The following MYO9A variants were observed in gnomAD, a reference collection of about 807,000 sequenced individuals.
The protein encoded by MYO9A is myosin IXA.
MYO9A carries 103 observed loss-of-function variants against 293.3 expected under a neutral mutation model. The ratio of observed to expected loss-of-function variants is 0.35; its 90% CI spans 0.30 to 0.41. MYO9A has a LOEUF of 0.41. Ranked by LOEUF, MYO9A falls within the 10% of genes least tolerant of loss-of-function variation. The probability of loss-of-function intolerance (pLI) is 1.00; values close to 1 mark genes in which losing one functional copy is unlikely to be tolerated. For synonymous variants in MYO9A, 1,001 were observed against 1,035.7 expected (o/e 0.97, Z 0.64); for missense variants, 2,685 against 3,033.0 (o/e 0.89, Z 2.69).
At chr15:71,951,606 T>G (rs188831078) in intron 15 of MYO9A, 171 bp downstream of exon 15, 1 of 630,304 alleles carries the variant, frequency 1.6e-6, no homozygotes, top group African/African-American at 1.9e-5. Context: ...AGTATATCAG[T>G]ATTTTCAAAA....
At chr15:72,118,179 C>G (rs979858495), upstream of MYO9A, 3 of 363,616 alleles carry the variant, frequency 8.3e-6, no homozygotes, top group Admixed American at 4.7e-5. Context: ...CTACTGCCAG[C>G]ACGGGTCGGC....
intron 26 of MYO9A, chr15:71,893,090 C>G (rs1397818747): frequency 7.8e-7 from 1 of 1,290,048 alleles, no homozygotes; most frequent in Admixed American, 2.3e-5. Context: ...TCTGTATCCC[C>G]CTCCCCATCG....
At chr15:72,072,522 AGATT>A (rs1388549084) in intron 1 of MYO9A, among the ~76,000 whole-genome samples, 3 of 152,220 alleles carry the variant, frequency 2.0e-5, no homozygotes, top group Non-Finnish European at 4.4e-5. Context: ...CATCAATGGC[AGATT>A]GAGTAAAGAA....
At chr15:72,071,863 C>T (rs2079201184) in intron 1 of MYO9A, among the ~76,000 whole-genome samples, 1 of 152,016 alleles carries the variant, frequency 6.6e-6, no homozygotes, top group Non-Finnish European at 1.5e-5. Flanking sequence ...ACCCAGCAAT[C>T]CCACTACTGA....
At chr15:71,922,295 C>G (rs1372746089) in intron 18 of MYO9A, among the ~76,000 whole-genome samples, 2 of 152,136 alleles carry the variant, frequency 1.3e-5, no homozygotes, top group African/African-American at 2.4e-5. Flanking sequence ...AATCTTTAAT[C>G]TACTTTAGGT....
At chr15:72,077,927 C>T (rs2079421364) in intron 1 of MYO9A, among the ~76,000 whole-genome samples, 1 of 151,658 alleles carries the variant, frequency 6.6e-6, no homozygotes, top group South Asian at 2.1e-4. Flanking sequence ...AATGAAGATA[C>T]TCAAAATCAT....
At chr15:71,897,425 GT>G (rs2057361019) in intron 25 of MYO9A, 35 bp downstream of exon 25, 3 of 1,540,370 alleles carry the variant, frequency 1.9e-6, no homozygotes, top group South Asian at 2.5e-5. Flanking sequence ...ACTCCAAGAA[GT>G]TTCCCATTTA....
intron 18 of MYO9A, among the ~76,000 whole-genome samples, chr15:71,920,081 T>C (rs994011810): frequency 1.3e-5 from 2 of 152,134 alleles, no homozygotes; most frequent in African/African-American, 4.8e-5. Context: ...GAAAAAAAGA[T>C]AAAATAGGAC....
intron 19 of MYO9A, among the ~76,000 whole-genome samples, chr15:71,910,168 G>GTATATATATATA (rs377474158): frequency 0.043 from 5,532 of 128,116 alleles, 152 homozygotes; most frequent in East Asian, 0.059. Flanking sequence ...ATATATACGT[G>GTATATATATATA]TATATATATA....
intron 32 of MYO9A, among the ~76,000 whole-genome samples, chr15:71,871,025 TG>T (rs1189037914): frequency 2.0e-5 from 3 of 152,292 alleles, no homozygotes; most frequent in Admixed American, 6.5e-5. Flanking sequence ...AACTCGATCT[TG>T]AGACTAAAAT....
intron 37 of MYO9A, among the ~76,000 whole-genome samples, chr15:71,850,765 C>CAAAAAAAAAAAAAAAA (rs780727961): frequency 2.7e-4 from 12 of 44,124 alleles, no homozygotes; most frequent in East Asian, 4.8e-4. Flanking sequence ...AACTGTGTCT[C>CAAAAAAAAAAAAAAAA]AAAAAAAAAA....
intron 1 of MYO9A, among the ~76,000 whole-genome samples, chr15:72,077,755 ATATATATATAT>A (rs2079415528): frequency 4.0e-5 from 1 of 25,044 alleles, no homozygotes. Flanking sequence ...AAAAAAAAAT[ATATATATATAT>A]ATATATATAT....
chr15:71,904,851 A>G, intron 20 of MYO9A, 75 bp downstream of exon 20: 1 of 1,043,216 alleles, frequency 9.6e-7, no homozygotes, highest in South Asian at 1.8e-5. Context: ...CCCTCCACTT[A>G]TTCTGCTTAA....
intron 1 of MYO9A, among the ~76,000 whole-genome samples, chr15:72,098,536 TTG>T: frequency 6.6e-6 from 1 of 152,260 alleles, no homozygotes; most frequent in South Asian, 2.1e-4. Context: ...ATTTCAAAAC[TTG>T]TGAGATGCAA....
intron 3 of MYO9A, among the ~76,000 whole-genome samples, chr15:72,029,913 G>A (rs2077809534): frequency 6.6e-6 from 1 of 152,106 alleles, no homozygotes; most frequent in South Asian, 2.1e-4. Context: ...ATTTCTCCCA[G>A]TTGCCTCCCA....
chr15:71,937,427 G>A (rs1480957977), intron 16 of MYO9A, among the ~76,000 whole-genome samples: 1 of 152,088 alleles, frequency 6.6e-6, no homozygotes, highest in African/African-American at 2.4e-5. Context: ...CAACATCAAG[G>A]AAAGACCCTC....
Position 72,046,593 on chromosome 15 carries a change from TATA to T in MYO9A, c.-33_-31del. 1 of 1,523,904 alleles carries T rather than the reference TATA, an allele frequency of 6.6e-7. No individual in the cohort carries two copies. Among genetic ancestry groups the T allele is most frequent in the Non-Finnish European group, 8.8e-7 (1 of 1,137,450 alleles). The allele number at this position is 1,523,904 out of a possible 1,614,324, so 94.4% of individuals were successfully genotyped here. On this transcript the variant is annotated 5_prime_UTR_variant, in exon 2 of 42. Coordinates refer to ENST00000356056, the MANE Select transcript of MYO9A (RefSeq NM_006901.4). ...GATCCTGTCCCATCAGCATGGATAG[TATA>T]TGTTCAAAGTCGTGCAAACCATTTT...
In MYO9A at chr15:71,823,886, G is replaced by A. The variant is rs1477218726; in HGVS notation, c.*2694C>T. On this transcript the variant is annotated 3_prime_UTR_variant, in exon 42 of 42. Coordinates refer to ENST00000356056, the MANE Select transcript of MYO9A (RefSeq NM_006901.4). ...ACCACAAATGTGATGCATATTAAGGGCTAACAGTTTCATAAGTGATTGTAA... is the reference window on the plus strand; with the variant it reads ...ACCACAAATGTGATGCATATTAAGGACTAACAGTTTCATAAGTGATTGTAA... The A allele has an allele frequency of 6.6e-6, 1 of 152,208 alleles. No individual in the cohort carries two copies. The highest frequency in any genetic ancestry group is 2.4e-5 in the African/African-American group (1 of 41,448). The allele number at this position is 152,208 out of a possible 1,614,324, so 9.4% of individuals were successfully genotyped here.
chr15:71,993,534 C>T (rs964533816), intron 10 of MYO9A, among the ~76,000 whole-genome samples: 1 of 152,074 alleles, frequency 6.6e-6, no homozygotes, highest in Non-Finnish European at 1.5e-5. Context: ...AAACCATTCC[C>T]CTTATCAGAT....
Sources: allele counts gnomAD v4.1 joint callset (sites outside exome capture counted in the v4.1 genomes callset), GRCh38; gene constraint gnomAD v4.1.1; transcripts MANE v1.5; gene names NCBI Gene and HGNC (gene_info 2026-07-23, HGNC 2026-07-21).